MARCHF1: variants seen among roughly 807,000 people sequenced by gnomAD.
MARCHF1 encodes E3 ubiquitin-protein ligase MARCHF1.
A neutral mutation model predicts 54.2 loss-of-function variants in MARCHF1; 40 were observed. That is an observed-to-expected ratio of 0.74 (90% CI 0.57 to 0.96). MARCHF1 has a LOEUF of 0.96. Ranked by LOEUF, MARCHF1 falls within the 40% of genes least tolerant of loss-of-function variation. The probability of loss-of-function intolerance (pLI) is 0.00; values close to 1 mark genes in which losing one functional copy is unlikely to be tolerated. For synonymous variants in MARCHF1, 236 were observed against 236.3 expected, an observed-to-expected ratio of 1.00 and a Z score of 0.01; for missense variants, 586 against 656.5, an observed-to-expected ratio of 0.89 and a Z score of 1.17.
chr4:164,173,875 T>G (rs1351829775), intron 1 of MARCHF1, among the ~76,000 whole-genome samples: 1 of 152,164 alleles, frequency 6.6e-6, no homozygotes, highest in Non-Finnish European at 1.5e-5. Context: ...CTTTAGAGCA[T>G]GGCAAGAGCA....
intron 7 of MARCHF1, among the ~76,000 whole-genome samples, chr4:163,594,633 A>AATGTT (rs1740700745): frequency 6.6e-6 from 1 of 152,126 alleles, no homozygotes; most frequent in Non-Finnish European, 1.5e-5. Context: ...TCTCCAAAGA[A>AATGTT]GACATACAAA....
intron 4 of MARCHF1, among the ~76,000 whole-genome samples, chr4:163,770,560 A>G (rs1410992852): frequency 6.7e-6 from 1 of 148,710 alleles, no homozygotes; most frequent in Non-Finnish European, 1.5e-5. Context: ...ACACACACAC[A>G]CACAAACACA....
At chr4:163,873,193 G>A (rs1750216055) in intron 3 of MARCHF1, among the ~76,000 whole-genome samples, 1 of 152,174 alleles carries the variant, frequency 6.6e-6, no homozygotes. Flanking sequence ...CATTAGACTG[G>A]TAAAACTGGA....
At chr4:163,726,975 C>A (rs1006683963) in intron 4 of MARCHF1, among the ~76,000 whole-genome samples, 2 of 152,136 alleles carry the variant, frequency 1.3e-5, no homozygotes, top group African/African-American at 4.8e-5. Flanking sequence ...CAGTCCTTTA[C>A]TACTAGTTAT....
chr4:164,286,138 T>A (rs1056587783), intron 1 of MARCHF1, among the ~76,000 whole-genome samples: 4 of 152,176 alleles, frequency 2.6e-5, no homozygotes, highest in African/African-American at 9.6e-5. Flanking sequence ...CATAGTAGTC[T>A]ACCTGTACTA....
chr4:164,028,492 G>A (rs188454796), intron 2 of MARCHF1, among the ~76,000 whole-genome samples: 2 of 152,188 alleles, frequency 1.3e-5, no homozygotes, highest in Non-Finnish European at 2.9e-5. Context: ...AATACCACAT[G>A]TTCTCATTTA....
chr4:163,575,988 C>T (rs946363500), intron 8 of MARCHF1, among the ~76,000 whole-genome samples: 4 of 151,692 alleles, frequency 2.6e-5, no homozygotes, highest in Non-Finnish European at 5.9e-5. Flanking sequence ...TTTCAAAGAG[C>T]GAACTTTTTG....
At chr4:163,665,099 C>G (rs1392215817) in intron 5 of MARCHF1, among the ~76,000 whole-genome samples, 2 of 151,974 alleles carry the variant, frequency 1.3e-5, no homozygotes, top group African/African-American at 4.8e-5. Context: ...ATGTTGGTTA[C>G]TGGACACAAT....
intron 2 of MARCHF1, among the ~76,000 whole-genome samples, chr4:164,080,670 G>A (rs200577583): frequency 6.5e-4 from 98 of 149,622 alleles, no homozygotes; most frequent in African/African-American, 2.0e-3. Flanking sequence ...GTGTGTGTGT[G>A]TATATATATA....
At chr4:163,808,723 C>A (rs1384299942) in intron 4 of MARCHF1, among the ~76,000 whole-genome samples, 1 of 152,114 alleles carries the variant, frequency 6.6e-6, no homozygotes, top group Non-Finnish European at 1.5e-5. Context: ...CACCTGCCAC[C>A]ATGCCTGGCT....
At chr4:163,570,022 G>A (rs1739788679) in intron 8 of MARCHF1, among the ~76,000 whole-genome samples, 1 of 152,036 alleles carries the variant, frequency 6.6e-6, no homozygotes, top group Non-Finnish European at 1.5e-5. Context: ...CTGTTTTTCT[G>A]TCTCAATCGT....
chr4:163,817,417 A>T (rs559930663), intron 4 of MARCHF1, among the ~76,000 whole-genome samples: 1 of 150,434 alleles, frequency 6.6e-6, no homozygotes, highest in East Asian at 2.0e-4. Context: ...ATATATATGT[A>T]TATATAGACA....
intron 1 of MARCHF1, among the ~76,000 whole-genome samples, chr4:164,213,933 ATTGT>A (rs1731853078): frequency 6.6e-6 from 1 of 152,124 alleles, no homozygotes; most frequent in Admixed American, 6.5e-5. Context: ...GCATAACTGG[ATTGT>A]TTGTAAACAA....
intron 4 of MARCHF1, among the ~76,000 whole-genome samples, chr4:163,739,515 C>T (rs1350994654): frequency 6.6e-6 from 1 of 152,088 alleles, no homozygotes; most frequent in African/African-American, 2.4e-5. Context: ...TCAAAGTATG[C>T]CATATCTTTA....
intron 1 of MARCHF1, among the ~76,000 whole-genome samples, chr4:164,325,654 A>G (rs6536807): frequency 0.91 from 138,683 of 152,004 alleles, 63,462 homozygotes; most frequent in East Asian, 0.98. Context: ...GCTTGAACCC[A>G]GGAGGTGGAA....
At chr4:163,750,130 T>C (rs561532243) in intron 4 of MARCHF1, among the ~76,000 whole-genome samples, 5 of 151,998 alleles carry the variant, frequency 3.3e-5, no homozygotes, top group Non-Finnish European at 7.4e-5. Context: ...CTCCTCATTT[T>C]TGTGAATGAA....
At chr4:164,018,545 A>G (rs1429439598) in intron 2 of MARCHF1, among the ~76,000 whole-genome samples, 2 of 152,148 alleles carry the variant, frequency 1.3e-5, no homozygotes, top group African/African-American at 4.8e-5. Context: ...TTCATCAAAG[A>G]AGATATATAT....
At chr4:163,592,789 C>A (rs1460225651) in intron 7 of MARCHF1, among the ~76,000 whole-genome samples, 1 of 151,998 alleles carries the variant, frequency 6.6e-6, no homozygotes, top group African/African-American at 2.4e-5. Flanking sequence ...TATCATCTAG[C>A]CTAGTGGTTC....
At chr4:163,535,389 C>A (rs1018753726) in intron 9 of MARCHF1, among the ~76,000 whole-genome samples, 3 of 152,074 alleles carry the variant, frequency 2.0e-5, no homozygotes, top group African/African-American at 7.2e-5. Context: ...TCTTCTCCCC[C>A]TTTTGCTATT....
Sources: gnomAD v4.1 joint callset for allele counts (sites outside exome capture counted in the v4.1 genomes callset) on GRCh38, gnomAD v4.1.1 for gene constraint, MANE v1.5 for transcripts, NCBI Gene and HGNC (gene_info 2026-07-23, HGNC 2026-07-21) for gene names.